The following SPOCK3 variants were observed in gnomAD, a reference collection of about 807,000 sequenced individuals.
SPOCK3 encodes SPARC (osteonectin), cwcv and kazal like domains proteoglycan 3.
In SPOCK3, 30 loss-of-function variants were observed where a neutral mutation model predicts 56.6. The ratio of observed to expected loss-of-function variants is 0.53; its 90% CI spans 0.40 to 0.72. The LOEUF is 0.72. Ranked by LOEUF, SPOCK3 falls within the 30% of genes least tolerant of loss-of-function variation. SPOCK3 has a pLI of 0.00. For synonymous variants in SPOCK3, 196 were observed against 183.3 expected, an observed-to-expected ratio of 1.07 and a Z score of -0.56; for missense variants, 527 against 530.0, an observed-to-expected ratio of 0.99 and a Z score of 0.06.
chr4:166,774,958 A>C (rs17519766), intron 7 of SPOCK3, among the ~76,000 whole-genome samples: 32,852 of 152,144 alleles, frequency 0.22, 4,228 homozygotes, highest in South Asian at 0.3. Flanking sequence ...CCTTCATATC[A>C]TAGCAGTACC....
chr4:166,875,773 G>T (rs537493330), intron 6 of SPOCK3, among the ~76,000 whole-genome samples: 3 of 152,298 alleles, frequency 2.0e-5, no homozygotes, highest in Admixed American at 2.0e-4. Context: ...ATGTAGAAAG[G>T]TCTAGAATAG....
At chr4:167,045,401 A>G (rs1416707903) in intron 3 of SPOCK3, among the ~76,000 whole-genome samples, 1 of 152,114 alleles carries the variant, frequency 6.6e-6, no homozygotes, top group Non-Finnish European at 1.5e-5. Flanking sequence ...AATTATTGAT[A>G]TAGTTGGAAT....
chr4:166,847,682 A>T (rs11726076), intron 6 of SPOCK3, among the ~76,000 whole-genome samples: 805 of 26,930 alleles, frequency 0.03, 13 homozygotes, highest in East Asian at 0.2. Flanking sequence ...TATATATATA[A>T]GAATCATGTT....
At chr4:167,214,657 CT>C (rs1199618736) in intron 2 of SPOCK3, among the ~76,000 whole-genome samples, 1 of 152,030 alleles carries the variant, frequency 6.6e-6, no homozygotes, top group Non-Finnish European at 1.5e-5. Flanking sequence ...TTTCACTTTT[CT>C]GTAATTTTAC....
chr4:167,157,307 C>G (rs1015950084), intron 2 of SPOCK3, among the ~76,000 whole-genome samples: 1 of 151,980 alleles, frequency 6.6e-6, no homozygotes, highest in Admixed American at 6.6e-5. Flanking sequence ...TATCTCATGA[C>G]TTCGGAAAGA....
chr4:167,185,560 A>T (rs1424395351), intron 2 of SPOCK3, among the ~76,000 whole-genome samples: 1 of 152,116 alleles, frequency 6.6e-6, no homozygotes, highest in African/African-American at 2.4e-5. Context: ...CCATAAGTCA[A>T]GTTTCCCTGT....
intron 2 of SPOCK3, among the ~76,000 whole-genome samples, chr4:167,213,605 A>G (rs1735081388): frequency 6.6e-6 from 1 of 152,160 alleles, no homozygotes; most frequent in Admixed American, 6.5e-5. Context: ...AAACATAAAC[A>G]CTATTACCAG....
intron 6 of SPOCK3, among the ~76,000 whole-genome samples, chr4:166,879,861 A>G (rs1733507315): frequency 6.6e-6 from 1 of 152,094 alleles, no homozygotes; most frequent in Non-Finnish European, 1.5e-5. Context: ...CCGAGTTCTC[A>G]TAAGATCTGG....
chr4:166,978,988 G>T (rs1043355163), intron 4 of SPOCK3, among the ~76,000 whole-genome samples: 1 of 152,170 alleles, frequency 6.6e-6, no homozygotes, highest in Non-Finnish European at 1.5e-5. Flanking sequence ...TGAAGTATGT[G>T]AATGTATTCT....
chr4:166,977,898 A>C (rs994359953), intron 4 of SPOCK3, among the ~76,000 whole-genome samples: 2 of 152,176 alleles, frequency 1.3e-5, no homozygotes, highest in Admixed American at 6.5e-5. Flanking sequence ...TAAAACTGCA[A>C]CTGCATATGC....
chr4:166,960,444 T>C (rs1301888540), intron 4 of SPOCK3, among the ~76,000 whole-genome samples: 1 of 152,194 alleles, frequency 6.6e-6, no homozygotes, highest in Non-Finnish European at 1.5e-5. Flanking sequence ...GAAGGATGGA[T>C]ATATGTGTCT....
intron 3 of SPOCK3, among the ~76,000 whole-genome samples, chr4:167,001,959 A>T (rs543268073): frequency 6.7e-6 from 1 of 148,782 alleles, no homozygotes; most frequent in Admixed American, 6.6e-5. Flanking sequence ...TTATTTTATT[A>T]TATTTTATTT....
chr4:167,059,304 AG>A (rs1346404049), intron 3 of SPOCK3, among the ~76,000 whole-genome samples: 1 of 152,232 alleles, frequency 6.6e-6, no homozygotes, highest in East Asian at 1.9e-4. Flanking sequence ...CAAATTTACA[AG>A]AAAAAAACAA....
chr4:167,127,350 G>GA (rs34487067), intron 2 of SPOCK3, among the ~76,000 whole-genome samples: 4 of 149,262 alleles, frequency 2.7e-5, no homozygotes, highest in African/African-American at 9.9e-5. Context: ...TTATATTACA[G>GA]AAAAAAACTA....
chr4:166,959,843 A>G (rs1029142975), intron 4 of SPOCK3, among the ~76,000 whole-genome samples: 5 of 152,194 alleles, frequency 3.3e-5, no homozygotes, highest in African/African-American at 1.2e-4. Flanking sequence ...TAAAGGAAAT[A>G]TTCACAATAA....
chr4:166,998,427 C>T (rs1363447550), intron 4 of SPOCK3, among the ~76,000 whole-genome samples: 1 of 151,966 alleles, frequency 6.6e-6, no homozygotes, highest in Non-Finnish European at 1.5e-5. Context: ...AAGATTTTTG[C>T]CTGTAGTTAA....
chr4:166,804,123 G>C (rs1298211637), intron 6 of SPOCK3, among the ~76,000 whole-genome samples: 1 of 152,150 alleles, frequency 6.6e-6, no homozygotes, highest in East Asian at 1.9e-4. Context: ...TCCATGCTTA[G>C]GAGTAGTAGT....
intron 2 of SPOCK3, among the ~76,000 whole-genome samples, chr4:167,174,174 A>T (rs1202407097): frequency 1.3e-5 from 2 of 152,264 alleles, no homozygotes; most frequent in Admixed American, 1.3e-4. Flanking sequence ...ATTAATGTAA[A>T]CAGCAGTCAT....
intron 2 of SPOCK3, among the ~76,000 whole-genome samples, chr4:167,184,147 C>A (rs1023849248): frequency 2.6e-5 from 4 of 152,118 alleles, no homozygotes; most frequent in Admixed American, 2.6e-4. Context: ...TATTGAGGGA[C>A]TTTGAAATTA....
Sources: gnomAD v4.1 joint callset for allele counts (sites outside exome capture counted in the v4.1 genomes callset) on GRCh38, gnomAD v4.1.1 for gene constraint, MANE v1.5 for transcripts, NCBI Gene and HGNC (gene_info 2026-07-23, HGNC 2026-07-21) for gene names.